Variants in UBAP2 observed in about 807,000 individuals in gnomAD.
UBAP2 encodes ubiquitin-associated protein 2.
A neutral mutation model predicts 139.6 loss-of-function variants in UBAP2; 75 were observed. That is an observed-to-expected ratio of 0.54 (90% CI 0.45 to 0.65). UBAP2 has a LOEUF of 0.65. UBAP2 is among the 30% of genes least tolerant of loss of function. UBAP2 has a pLI of 0.00. For synonymous variants in UBAP2, 526 were observed against 526.2 expected (o/e 1.00, Z 0.01); for missense variants, 1,368 against 1,369.6 (o/e 1.00, Z 0.02).
intron 9 of UBAP2, among the ~76,000 whole-genome samples, chr9:33,961,428 A>C (rs1827036106): frequency 6.6e-6 from 1 of 152,142 alleles, no homozygotes; most frequent in Non-Finnish European, 1.5e-5. Flanking sequence ...TGCTCATATC[A>C]AGTCTGCTGC....
intron 1 of UBAP2, among the ~76,000 whole-genome samples, chr9:34,048,451 G>C (rs982313706): frequency 6.6e-6 from 1 of 152,206 alleles, no homozygotes; most frequent in Non-Finnish European, 1.5e-5. Context: ...AGATGGGACC[G>C]ACAGCGTGGC....
intron 10 of UBAP2, among the ~76,000 whole-genome samples, chr9:33,959,731 T>C (rs1826878730): frequency 6.6e-6 from 1 of 152,170 alleles, no homozygotes; most frequent in South Asian, 2.1e-4. Context: ...GTTCTTCTAG[T>C]CAAAAGGGGA....
chr9:33,924,062 C>T, intron 23 of UBAP2, 62 bp from the exon 24 acceptor site: 4 of 1,602,128 alleles, frequency 2.5e-6, no homozygotes, highest in Non-Finnish European at 3.4e-6. Flanking sequence ...GCCACACTGG[C>T]TTCTGCAAAC....
chr9:33,927,686 G>A (rs1823569320), intron 20 of UBAP2, 111 bp downstream of exon 20: 19 of 1,128,280 alleles, frequency 1.7e-5, no homozygotes, highest in South Asian at 7.8e-5. Flanking sequence ...AACACGCAGC[G>A]CACTCGGCGG....
chr9:34,046,025 T>A (rs906532912), intron 1 of UBAP2, among the ~76,000 whole-genome samples: 1 of 152,192 alleles, frequency 6.6e-6, no homozygotes, highest in Admixed American at 6.5e-5. Flanking sequence ...ACTTAGCTTT[T>A]AAGAACGCTC....
intron 2 of UBAP2, among the ~76,000 whole-genome samples, chr9:34,015,910 C>G (rs1197321452): frequency 6.6e-6 from 1 of 152,094 alleles, no homozygotes; most frequent in Non-Finnish European, 1.5e-5. Flanking sequence ...CTCAAGCAAC[C>G]CTTTTGCCTC....
In UBAP2 at chr9:33,977,224, A is replaced by G. The variant is rs959001090; in HGVS notation, c.521-3987T>C. ...TGGCTGATTTTTGTATTTTTATTAG[A>G]GACGGGGTTTCACCATTTTGGCCAG... On this transcript the variant is annotated intron_variant, in intron 6 of 28. Coordinates refer to ENST00000379238, the MANE Select transcript of UBAP2 (RefSeq NM_001370062.2). Among the ~76,000 whole-genome samples the G allele has an allele frequency of 2.7e-4, 41 of 151,636 alleles. 1 individual carries two copies. Among genetic ancestry groups the G allele is most frequent in the African/African-American group, 9.4e-4 (39 of 41,422 alleles).
intron 8 of UBAP2, among the ~76,000 whole-genome samples, chr9:33,965,427 G>C (rs1443536204): frequency 6.6e-6 from 1 of 152,026 alleles, no homozygotes; most frequent in Non-Finnish European, 1.5e-5. Flanking sequence ...TTTCTCTTCA[G>C]AAGAATTTTA....
chr9:33,994,560 G>A (rs1178064447), intron 4 of UBAP2: 3 of 149,552 alleles, frequency 2.0e-5, no homozygotes, highest in South Asian at 2.1e-4. Context: ...ACCCATTAGC[G>A]ATAAGGTAAA....
intron 15 of UBAP2, 71 bp from the exon 16 acceptor site, chr9:33,941,933 A>C: frequency 1.8e-6 from 2 of 1,097,110 alleles, no homozygotes; most frequent in Non-Finnish European, 2.7e-6. Context: ...AAAAAACATA[A>C]ACAGCTTCAC....
At chr9:34,017,018 A>AG (rs577969623) in intron 2 of UBAP2, 32 bp downstream of exon 2, 2 of 719,122 alleles carry the variant, frequency 2.8e-6, no homozygotes, top group Admixed American at 5.4e-5. Context: ...AAAAAAAAGG[A>AG]AAAAAAAAAA....
At chr9:33,958,331 C>T (rs567432975) in intron 10 of UBAP2, among the ~76,000 whole-genome samples, 16 of 151,526 alleles carry the variant, frequency 1.1e-4, no homozygotes, top group South Asian at 4.2e-4. Flanking sequence ...AATCGATTTA[C>T]GAAAAAGAGA....
At chr9:33,926,552 C>G in intron 22 of UBAP2, 65 bp downstream of exon 22, 2 of 1,577,584 alleles carry the variant, frequency 1.3e-6, no homozygotes, top group Non-Finnish European at 1.7e-6. Flanking sequence ...CAGCCAAGAC[C>G]ATAAGAGGGG....
chr9:34,013,826 G>A (rs1823988598), intron 2 of UBAP2, among the ~76,000 whole-genome samples: 1 of 151,480 alleles, frequency 6.6e-6, no homozygotes, highest in Admixed American at 6.6e-5. Context: ...GCAATGAGCT[G>A]AGAACGCGCC....
At chr9:33,990,546 A>G (rs1821612618) in intron 4 of UBAP2, among the ~76,000 whole-genome samples, 1 of 152,180 alleles carries the variant, frequency 6.6e-6, no homozygotes, top group Non-Finnish European at 1.5e-5. Context: ...CTGATAGTTA[A>G]GGTGAAACAA....
chr9:34,000,298 T>C (rs956643144), intron 2 of UBAP2, among the ~76,000 whole-genome samples: 1 of 152,164 alleles, frequency 6.6e-6, no homozygotes, highest in Non-Finnish European at 1.5e-5. Context: ...AAAAACTATT[T>C]ACTTTTGTCA....
At chr9:34,023,934 C>T (rs1408878010) in intron 1 of UBAP2, among the ~76,000 whole-genome samples, 1 of 152,164 alleles carries the variant, frequency 6.6e-6, no homozygotes, top group African/African-American at 2.4e-5. Context: ...GTCCCAGCTA[C>T]CCAGGAGGCT....
chr9:34,035,859 C>T (rs756884889), intron 1 of UBAP2, among the ~76,000 whole-genome samples: 27 of 150,998 alleles, frequency 1.8e-4, no homozygotes, highest in Non-Finnish European at 3.1e-4. Context: ...TCACGTTCCA[C>T]AGGCATGTTT....
intron 6 of UBAP2, 134 bp from the exon 7 acceptor site, chr9:33,973,371 G>T: frequency 1.0e-6 from 1 of 954,790 alleles, no homozygotes; most frequent in African/African-American, 1.6e-5. Flanking sequence ...CCAATCCAGG[G>T]CACCCAATTA....
Sources: allele counts gnomAD v4.1 joint callset (sites outside exome capture counted in the v4.1 genomes callset), GRCh38; gene constraint gnomAD v4.1.1; transcripts MANE v1.5; gene names NCBI Gene and HGNC (gene_info 2026-07-23, HGNC 2026-07-21).